NTRK2: variants seen among roughly 807,000 people sequenced by gnomAD.
The protein encoded by NTRK2 is BDNF/NT-3 growth factors receptor.
NTRK2 carries 13 observed loss-of-function variants against 94.5 expected under a neutral mutation model. The observed-to-expected ratio is 0.14, with a 90% CI of 0.09 to 0.22. The LOEUF (loss-of-function observed/expected upper bound fraction) is 0.22. NTRK2 is among the 10% of genes least tolerant of loss of function. The pLI is 1.00. For missense variants in NTRK2, 639 were observed against 1,071.2 expected (o/e 0.60, Z 5.63); for synonymous variants, 372 against 407.4 (o/e 0.91, Z 1.05).
At chr9:84,872,768 A>G in intron 14 of NTRK2, 5 of 1,064,844 alleles carry the variant, frequency 4.7e-6, no homozygotes, top group Non-Finnish European at 3.4e-6. Flanking sequence ...CATGCTTACT[A>G]GGCAATTATG....
intron 12 of NTRK2, among the ~76,000 whole-genome samples, chr9:84,797,066 A>T (rs78640129): frequency 3.3e-5 from 5 of 152,134 alleles, no homozygotes; most frequent in Admixed American, 6.5e-5. Flanking sequence ...ATTCTACCGC[A>T]TATTGAATAT....
At chr9:84,824,741 A>G (rs1042342468) in intron 12 of NTRK2, among the ~76,000 whole-genome samples, 2 of 152,156 alleles carry the variant, frequency 1.3e-5, no homozygotes, top group African/African-American at 4.8e-5. Context: ...CCGCTGCTGG[A>G]AAGGTGGACC....
At chr9:84,672,274 T>C (rs1229163131) in intron 2 of NTRK2, among the ~76,000 whole-genome samples, 1 of 152,166 alleles carries the variant, frequency 6.6e-6, no homozygotes, top group African/African-American at 2.4e-5. Context: ...AGGGGAATGT[T>C]CAGGCCTAGC....
chr9:84,947,090 G>A (rs1037416458), intron 15 of NTRK2, among the ~76,000 whole-genome samples: 6 of 152,100 alleles, frequency 3.9e-5, no homozygotes, highest in Non-Finnish European at 7.4e-5. Flanking sequence ...CGAGTATCTG[G>A]AATTACAGGC....
At chr9:84,845,937 A>G (rs923051270) in intron 12 of NTRK2, among the ~76,000 whole-genome samples, 1 of 152,154 alleles carries the variant, frequency 6.6e-6, no homozygotes, top group East Asian at 1.9e-4. Flanking sequence ...AAAAAAAAAA[A>G]AGAAGCCATA....
chr9:84,967,146 A>G lies in NTRK2; in HGVS notation c.2172+11629A>G, dbSNP rs962440438. Among the ~76,000 whole-genome samples the G allele has an allele frequency of 2.6e-5, 4 of 152,304 alleles. 1 individual carries two copies. Among genetic ancestry groups the G allele is most frequent in the Middle Eastern group, 6.8e-3 (2 of 294 alleles). On this transcript the variant is annotated intron_variant, in intron 17 of 18. Coordinates refer to ENST00000277120, the MANE Select transcript of NTRK2 (RefSeq NM_006180.6). ...TCATCCTGGGAGGTGAGCTTGACTCATTCTCTAGGTAATGTTGTCAAAGAC... is the reference window on the plus strand; with the variant it reads ...TCATCCTGGGAGGTGAGCTTGACTCGTTCTCTAGGTAATGTTGTCAAAGAC...
At chr9:84,886,689 C>T (rs756765658) in intron 14 of NTRK2, among the ~76,000 whole-genome samples, 1 of 152,160 alleles carries the variant, frequency 6.6e-6, no homozygotes, top group Admixed American at 6.5e-5. Flanking sequence ...TGTTTTTTAT[C>T]CCACCATCTC....
intron 12 of NTRK2, among the ~76,000 whole-genome samples, chr9:84,781,419 A>G (rs555873688): frequency 1.3e-5 from 2 of 149,446 alleles, no homozygotes; most frequent in African/African-American, 5.0e-5. Flanking sequence ...GATCATAAGT[A>G]TACTTTTTTC....
At chr9:84,826,209 G>T (rs1293323254) in intron 12 of NTRK2, among the ~76,000 whole-genome samples, 3 of 152,148 alleles carry the variant, frequency 2.0e-5, no homozygotes, top group Non-Finnish European at 4.4e-5. Context: ...AAAGTGAGGT[G>T]TTGACAGGGT....
intron 14 of NTRK2, among the ~76,000 whole-genome samples, chr9:84,926,264 C>CTCTTGTTGCCCAGG (rs1407706501): frequency 4.0e-5 from 6 of 148,224 alleles, no homozygotes; most frequent in African/African-American, 1.3e-4. Flanking sequence ...TGGAGTTTCA[C>CTCTTGTTGCCCAGG]TCTTGTTGCC....
intron 14 of NTRK2, among the ~76,000 whole-genome samples, chr9:84,889,243 G>A (rs912201870): frequency 2.7e-5 from 4 of 150,102 alleles, no homozygotes; most frequent in Admixed American, 1.4e-4. Context: ...GCCCGCCTCG[G>A]CCTCCCAAAG....
chr9:84,764,825 T>C (rs138352683), intron 12 of NTRK2, among the ~76,000 whole-genome samples: 65 of 152,252 alleles, frequency 4.3e-4, no homozygotes, highest in African/African-American at 1.5e-3. Context: ...CATCAGCAGA[T>C]GAATGGATAA....
intron 17 of NTRK2, among the ~76,000 whole-genome samples, chr9:84,973,878 A>G (rs905118921): frequency 2.6e-5 from 4 of 152,236 alleles, no homozygotes; most frequent in Admixed American, 2.0e-4. Context: ...AAACTAGGGG[A>G]AAAAATTTAA....
chr9:84,687,145 C>T (rs945642749), intron 2 of NTRK2, among the ~76,000 whole-genome samples: 1 of 152,060 alleles, frequency 6.6e-6, no homozygotes, highest in African/African-American at 2.4e-5. Flanking sequence ...AACTCCTGGG[C>T]TCAAGTGATT....
intron 12 of NTRK2, among the ~76,000 whole-genome samples, chr9:84,800,174 T>G (rs1363117276): frequency 1.3e-5 from 2 of 151,308 alleles, no homozygotes; most frequent in Non-Finnish European, 2.9e-5. Context: ...CTAGAACAAC[T>G]GGAAGCCGAA....
intron 12 of NTRK2, among the ~76,000 whole-genome samples, chr9:84,772,384 T>C (rs1001265844): frequency 6.6e-6 from 1 of 152,112 alleles, no homozygotes; most frequent in Non-Finnish European, 1.5e-5. Context: ...CCTCCTGATG[T>C]AGCTGGGATT....
At chr9:84,924,650 G>A (rs2077695384) in intron 14 of NTRK2, among the ~76,000 whole-genome samples, 1 of 152,216 alleles carries the variant, frequency 6.6e-6, no homozygotes, top group Admixed American at 6.5e-5. Context: ...GTTCTTTTTA[G>A]TCTAACAGCT....
chr9:84,939,219 A>G (rs11794678), intron 15 of NTRK2, among the ~76,000 whole-genome samples: 9,387 of 152,228 alleles, frequency 0.062, 385 homozygotes, highest in Admixed American at 0.12. Context: ...ACAAGAAATT[A>G]TTTTAGAAAT....
Position 84,832,918 on chromosome 9 carries a change from G to A in NTRK2, c.1397-28122G>A, listed in dbSNP as rs76287368. 6.7e-3 allele frequency among the ~76,000 whole-genome samples: 1,018 copies of A among 152,174 alleles called. 12 individuals carry two copies. The highest frequency in any genetic ancestry group is 0.023 in the African/African-American group (954 of 41,506). ...ATAGATAATATCGGCAGCCACCCCC[G>A]CACCTGGATAGATTGGATGCGGGCA... On this transcript the variant is annotated intron_variant, in intron 12 of 18. Coordinates refer to ENST00000277120, the MANE Select transcript of NTRK2 (RefSeq NM_006180.6).
Sources: allele counts gnomAD v4.1 joint callset (sites outside exome capture counted in the v4.1 genomes callset), GRCh38; gene constraint gnomAD v4.1.1; transcripts MANE v1.5; gene names NCBI Gene and HGNC (gene_info 2026-07-23, HGNC 2026-07-21).